PHF21B: variants seen among roughly 807,000 people sequenced by gnomAD.
PHF21B encodes the protein PHD finger protein 21B.
PHF21B carries 22 observed loss-of-function variants against 62.2 expected under a neutral mutation model. That is an observed-to-expected ratio of 0.35 (90% confidence interval 0.25 to 0.51). PHF21B has a LOEUF of 0.51. Ranked by LOEUF, PHF21B falls within the 20% of genes least tolerant of loss-of-function variation. PHF21B has a pLI of 0.97. For missense variants in PHF21B, 701 were observed against 707.9 expected, an observed-to-expected ratio of 0.99 and a Z score of 0.11; for synonymous variants, 341 against 314.7, an observed-to-expected ratio of 1.08 and a Z score of -0.88.
chr22:44,915,368 A>C (rs892476183), intron 4 of PHF21B, among the ~76,000 whole-genome samples: 15 of 152,250 alleles, frequency 9.9e-5, no homozygotes, highest in African/African-American at 1.7e-4. Context: ...TAAATGAACA[A>C]AACAGTGTTT....
intron 2 of PHF21B, among the ~76,000 whole-genome samples, chr22:44,983,353 G>A (rs2072877683): frequency 2.0e-5 from 3 of 152,188 alleles, no homozygotes; most frequent in Admixed American, 6.5e-5. Flanking sequence ...TGGCATGTTT[G>A]CTGCCGCTGG....
chr22:44,984,403 T>C (rs1007905622), intron 2 of PHF21B, among the ~76,000 whole-genome samples: 3 of 152,072 alleles, frequency 2.0e-5, no homozygotes, highest in African/African-American at 7.2e-5. Context: ...AGAGCCTTGG[T>C]TCTCAAACTT....
At chr22:44,948,458 G>C (rs573116482) in intron 2 of PHF21B, among the ~76,000 whole-genome samples, 2 of 152,224 alleles carry the variant, frequency 1.3e-5, no homozygotes, top group South Asian at 4.1e-4. Context: ...GAGGCGGGCA[G>C]ATCATCTGAT....
intron 2 of PHF21B, among the ~76,000 whole-genome samples, chr22:44,983,893 G>A (rs578169281): frequency 5.2e-4 from 79 of 152,006 alleles, no homozygotes; most frequent in African/African-American, 1.6e-3. Flanking sequence ...TGGGAAAAGG[G>A]AAGTTTGGGG....
intron 2 of PHF21B, among the ~76,000 whole-genome samples, chr22:44,938,916 A>G (rs985028097): frequency 1.3e-5 from 2 of 152,224 alleles, no homozygotes; most frequent in African/African-American, 4.8e-5. Context: ...CTTCTCTGCT[A>G]TGCATTGATA....
chr22:44,988,199 C>G (rs1215472765), intron 2 of PHF21B, among the ~76,000 whole-genome samples: 1 of 152,120 alleles, frequency 6.6e-6, no homozygotes, highest in African/African-American at 2.4e-5. Context: ...GGTGGCTCAC[C>G]CACGCCTGTA....
intron 2 of PHF21B, among the ~76,000 whole-genome samples, chr22:44,948,359 A>G (rs1601632250): frequency 6.6e-6 from 1 of 152,070 alleles, no homozygotes; most frequent in East Asian, 1.9e-4. Context: ...CTACTCCATC[A>G]TCTCGTTTTG....
At chr22:44,954,121 A>T (rs983382915) in intron 2 of PHF21B, among the ~76,000 whole-genome samples, 1 of 152,230 alleles carries the variant, frequency 6.6e-6, no homozygotes, top group African/African-American at 2.4e-5. Context: ...CAGCTGATGC[A>T]GCTACAGGAA....
intron 2 of PHF21B, among the ~76,000 whole-genome samples, chr22:44,952,081 A>G (rs1261845745): frequency 6.6e-6 from 1 of 152,190 alleles, no homozygotes; most frequent in African/African-American, 2.4e-5. Flanking sequence ...GGTGGCTCAC[A>G]CCTGTAATCC....
chr22:44,945,313 C>A (rs2072045064), intron 2 of PHF21B, among the ~76,000 whole-genome samples: 1 of 152,164 alleles, frequency 6.6e-6, no homozygotes, highest in Non-Finnish European at 1.5e-5. Flanking sequence ...ACCCAGGCTC[C>A]CCCAGCGCCC....
chr22:44,971,829 C>A (rs1419736527), intron 2 of PHF21B, among the ~76,000 whole-genome samples: 2 of 152,250 alleles, frequency 1.3e-5, no homozygotes, highest in Admixed American at 6.5e-5. Context: ...CCAAGCTCAG[C>A]CTCAAGCTCC....
At chr22:44,999,325 G>A (rs943107444) in intron 2 of PHF21B, among the ~76,000 whole-genome samples, 1 of 152,124 alleles carries the variant, frequency 6.6e-6, no homozygotes, top group Non-Finnish European at 1.5e-5. Context: ...AGAGCAGAAC[G>A]CAAGCCAGAG....
At chr22:44,951,256 G>A (rs953188369) in intron 2 of PHF21B, among the ~76,000 whole-genome samples, 4 of 152,062 alleles carry the variant, frequency 2.6e-5, no homozygotes, top group Non-Finnish European at 5.9e-5. Flanking sequence ...GCAGATCATC[G>A]GGCATTAGAT....
chr22:44,900,837 T>C (rs1006799542), intron 5 of PHF21B, among the ~76,000 whole-genome samples: 1 of 151,394 alleles, frequency 6.6e-6, no homozygotes, highest in African/African-American at 2.4e-5. Flanking sequence ...GTTTCCATAG[T>C]CAATCAGTAA....
intron 9 of PHF21B, among the ~76,000 whole-genome samples, chr22:44,889,289 AG>A (rs1003048928): frequency 3.0e-3 from 22 of 7,436 alleles, no homozygotes; most frequent in Non-Finnish European, 5.5e-3. Context: ...GGTAGGGGGT[AG>A]GGGGTGGGGG....
At chr22:44,988,015 G>T (rs997247667) in intron 2 of PHF21B, among the ~76,000 whole-genome samples, 1 of 152,222 alleles carries the variant, frequency 6.6e-6, no homozygotes, top group Non-Finnish European at 1.5e-5. Context: ...AACTCAACCA[G>T]TAAGAATGAC....
chr22:44,970,380 G>A (rs961625614), intron 2 of PHF21B, among the ~76,000 whole-genome samples: 3 of 152,188 alleles, frequency 2.0e-5, no homozygotes, highest in Non-Finnish European at 4.4e-5. Context: ...GTCAAGCACA[G>A]CTGCACCACC....
intron 5 of PHF21B, among the ~76,000 whole-genome samples, chr22:44,903,164 A>G (rs1454348313): frequency 6.6e-6 from 1 of 151,886 alleles, no homozygotes; most frequent in East Asian, 1.9e-4. Flanking sequence ...CCTCCAGCAC[A>G]TTCTCTCTAT....
chr22:44,900,457 C>T (rs1174492384), intron 5 of PHF21B, among the ~76,000 whole-genome samples: 1 of 152,140 alleles, frequency 6.6e-6, no homozygotes, highest in African/African-American at 2.4e-5. Flanking sequence ...CCCGCCACCA[C>T]GCCCAGCTAA....
Sources: allele counts gnomAD v4.1 joint callset (sites outside exome capture counted in the v4.1 genomes callset), GRCh38; gene constraint gnomAD v4.1.1; transcripts MANE v1.5; gene names NCBI Gene and HGNC (gene_info 2026-07-23, HGNC 2026-07-21).